ARHGEF10L: variants seen among roughly 807,000 people sequenced by gnomAD.
ARHGEF10L encodes rho guanine nucleotide exchange factor 10-like protein.
A neutral mutation model predicts 141.2 loss-of-function variants in ARHGEF10L; 69 were observed. That is an observed-to-expected ratio of 0.49 (90% CI 0.40 to 0.60). The LOEUF (loss-of-function observed/expected upper bound fraction) is 0.60. ARHGEF10L is among the 20% of genes least tolerant of loss of function. The pLI is 0.00. For synonymous variants in ARHGEF10L, 711 were observed against 718.5 expected, an observed-to-expected ratio of 0.99 and a Z score of 0.17; for missense variants, 1,482 against 1,734.3, an observed-to-expected ratio of 0.85 and a Z score of 2.58.
chr1:17,695,272 A>G lies in ARHGEF10L; in HGVS notation c.3299A>G (p.Lys1100Arg), dbSNP rs1175193765. 1.9e-6 allele frequency: 3 copies of G among 1,585,046 alleles called. No individual in the cohort carries two copies. The African/African-American group carries it at 4.0e-5, about 21-fold the overall frequency. The change falls in exon 28 of 29, where the codon AAG becomes AGG. Residue 1100 changes from lysine (K) to arginine (R), a missense_variant. Physicochemically the swap from Lys to Arg is conservative, Grantham distance 26 (BLOSUM62 2). This residue lies in a region of ARHGEF10L where 858 missense variants were observed against 966.3 expected (regional missense o/e 0.89). Transcript: ENST00000361221. ...GTGCCTCGGCTGGAAGGCATCCCCA[A>G]GATCACAGGTGAGGCTTTGGGAGCT... ...LPVPRLEGIP[K>R]ITGKGMVSLN...
intron 26 of ARHGEF10L, among the ~76,000 whole-genome samples, chr1:17,680,178 A>G (rs1430500239): frequency 6.6e-6 from 1 of 151,572 alleles, no homozygotes; most frequent in East Asian, 2.0e-4. Flanking sequence ...CGCTGCGCGC[A>G]CAGTGCCCAG....
At chr1:17,515,452 C>A in the ARHGEF10L span, among the ~76,000 whole-genome samples, 1 of 151,988 alleles carries the variant, frequency 6.6e-6, no homozygotes, top group East Asian at 1.9e-4. Flanking sequence ...GGCCACCATG[C>A]CTGGCTAATT....
the ARHGEF10L span, among the ~76,000 whole-genome samples, chr1:17,517,850 C>T: frequency 5.4e-3 from 829 of 152,140 alleles, 19 homozygotes; most frequent in East Asian, 0.048. Context: ...TTAGTAGAGA[C>T]GGGGTTTCAC....
intron 28 of ARHGEF10L, among the ~76,000 whole-genome samples, chr1:17,696,387 T>C (rs1212210703): frequency 6.6e-6 from 1 of 152,074 alleles, no homozygotes; most frequent in African/African-American, 2.4e-5. Context: ...GCTGATGGTC[T>C]CCTGGGGGTC....
At position 17,627,554 on chromosome 1, in the gene ARHGEF10L, G is replaced by A; in HGVS notation, c.1584+51G>A. On this transcript the variant is annotated intron_variant, in intron 15 of 28. Transcript: ENST00000361221. This position sits in a 1 kb window ranked among gnomAD's most constrained non-coding sequence, Gnocchi z 4.0. ...CCCTCACCTGCCTGCCCTCACCTGT[G>A]CTCCTGCCCGTGCCCCTGCCCCACG... The A allele has an allele frequency of 6.3e-7, 1 of 1,582,446 alleles. No individual in the cohort carries two copies. Among genetic ancestry groups the A allele is most frequent in the Non-Finnish European group, 8.6e-7 (1 of 1,163,500 alleles).
chr1:17,687,485 G>A, intron 26 of ARHGEF10L, 88 bp from the exon 27 acceptor site: 1 of 1,458,878 alleles, frequency 6.9e-7, no homozygotes, highest in Non-Finnish European at 9.4e-7. Flanking sequence ...TGAAGAATGT[G>A]AGAATGGCTG....
chr1:17,692,143 C>T (rs1281946864), intron 27 of ARHGEF10L, among the ~76,000 whole-genome samples: 1 of 152,188 alleles, frequency 6.6e-6, no homozygotes, highest in East Asian at 1.9e-4. Flanking sequence ...TGAGCCTTCA[C>T]TTTTGGAATG....
chr1:17,551,738 T>C (rs1325446257), intron 1 of ARHGEF10L, among the ~76,000 whole-genome samples: 2 of 152,132 alleles, frequency 1.3e-5, no homozygotes, highest in East Asian at 3.9e-4. Flanking sequence ...TGCTCATTTT[T>C]CTCTTCCAAA....
chr1:17,602,218 A>G lies in ARHGEF10L; in HGVS notation c.349A>G (p.Ile117Val), dbSNP rs1042159581. 5.1e-6 allele frequency: 8 copies of G among 1,566,160 alleles called. No homozygotes were observed. In the African/African-American group the frequency reaches 8.1e-5, roughly 16 times the overall value. The change falls in exon 5 of 29, where the codon ATT becomes GTT. Residue 117 changes from isoleucine to valine, a missense_variant and splice_region_variant. Physicochemically the swap from Ile to Val is conservative, Grantham distance 29. Coordinates refer to ENST00000361221, the MANE Select transcript of ARHGEF10L (RefSeq NM_018125.4). Reference sequence around the variant, plus strand: ...CTGGAAGCGGAAGAGTTCCCGTCGCAGTAAGTCTCCCCTCCGGCCCACCGC... The same window carrying G: ...CTGGAAGCGGAAGAGTTCCCGTCGCGGTAAGTCTCCCCTCCGGCCCACCGC... ...SSWKRKSSRR[I>V]DRFTFPALEE... is the part of the protein sequence containing the mutation.
At chr1:17,606,380 G>A (rs367884215) in intron 6 of ARHGEF10L, among the ~76,000 whole-genome samples, 17 of 151,010 alleles carry the variant, frequency 1.1e-4, no homozygotes, top group African/African-American at 3.9e-4. Context: ...TGCAGCTTCC[G>A]CCTCCCGGGT....
rs1247002685 is a variant in ARHGEF10L at position 17,607,890 on chromosome 1, C to T, written c.522C>T (p.Phe174=). ...AEDLGWSSSE[F]ESYSEDSGEE... ...ACCTAGGCTGGAGCTCCAGTGAGTT[C>T]GAGAGCTACAGCGAGGACTCGGGGG... Residue 174 remains phenylalanine (F), a synonymous_variant, in exon 7 of 29, where the codon TTC becomes TTT. Coordinates refer to ENST00000361221, the MANE Select transcript of ARHGEF10L (RefSeq NM_018125.4). The surrounding 1 kb of genome is among the most constrained non-coding windows in gnomAD (Gnocchi z 4.5). 1.6e-5 allele frequency: 25 copies of T among 1,571,456 alleles called. No individual in the cohort carries two copies. Among genetic ancestry groups the T allele is most frequent in the Middle Eastern group, 3.4e-4 (2 of 5,870 alleles).
intron 26 of ARHGEF10L, among the ~76,000 whole-genome samples, chr1:17,665,996 C>T (rs1306305060): frequency 6.6e-6 from 1 of 152,190 alleles, no homozygotes; most frequent in East Asian, 1.9e-4. Context: ...CAGTGTGATT[C>T]TGAAGGCAGG....
chr1:17,631,349 G>A (rs143447641), intron 15 of ARHGEF10L, among the ~76,000 whole-genome samples: 4 of 152,298 alleles, frequency 2.6e-5, no homozygotes, highest in African/African-American at 7.2e-5. Flanking sequence ...ACTAGCAGGG[G>A]GGGTCTTGAC....
At chr1:17,690,354 G>T (rs1031222313) in intron 27 of ARHGEF10L, among the ~76,000 whole-genome samples, 1 of 152,212 alleles carries the variant, frequency 6.6e-6, no homozygotes, top group Non-Finnish European at 1.5e-5. Flanking sequence ...TCCCTACCCC[G>T]CAGGGCAGGT....
intron 5 of ARHGEF10L, among the ~76,000 whole-genome samples, chr1:17,602,588 G>C (rs1174646032): frequency 2.0e-5 from 3 of 152,178 alleles, no homozygotes; most frequent in Admixed American, 2.0e-4. Flanking sequence ...CAGGGGTGGG[G>C]GAAAGAGGGT....
At chr1:17,678,660 C>G (rs954237279) in intron 26 of ARHGEF10L, among the ~76,000 whole-genome samples, 18 of 152,148 alleles carry the variant, frequency 1.2e-4, no homozygotes, top group Non-Finnish European at 2.2e-4. Flanking sequence ...CTCAGGTGAT[C>G]TGCCCACCTC....
At chr1:17,693,366 A>G (rs2354290) in intron 27 of ARHGEF10L, among the ~76,000 whole-genome samples, 118,048 of 152,142 alleles carry the variant, frequency 0.78, 46,525 homozygotes, top group South Asian at 0.89. Flanking sequence ...GCCATGCAGT[A>G]GGCATCTGGG....
intron 1 of ARHGEF10L, among the ~76,000 whole-genome samples, chr1:17,567,243 C>G (rs2077794404): frequency 6.6e-6 from 1 of 152,216 alleles, no homozygotes; most frequent in Admixed American, 6.5e-5. Context: ...CTTGATCCCA[C>G]CTTCCCAGGC....
chr1:17,670,273 C>T (rs2063238974), intron 26 of ARHGEF10L, among the ~76,000 whole-genome samples: 1 of 152,224 alleles, frequency 6.6e-6, no homozygotes, highest in South Asian at 2.1e-4. Flanking sequence ...AGAGCTGGCA[C>T]CCGCGGTCTG....
Sources: gnomAD v4.1 joint callset for allele counts (sites outside exome capture counted in the v4.1 genomes callset) on GRCh38, gnomAD v4.1.1 for gene constraint, gnomAD v4.1.1 regional missense constraint, Gnocchi (gnomAD v3.1) non-coding constraint, MANE v1.5 for transcripts, NCBI Gene and HGNC (gene_info 2026-07-23, HGNC 2026-07-21) for gene names.